NPAS3: variants seen among roughly 807,000 people sequenced by gnomAD.
NPAS3 encodes the protein neuronal PAS domain-containing protein 3.
A neutral mutation model predicts 73.1 loss-of-function variants in NPAS3; 14 were observed. The observed-to-expected ratio is 0.19, with a 90% CI of 0.13 to 0.30. The LOEUF is 0.30. Among genes scored for constraint, NPAS3 ranks in the 10% least tolerant of loss-of-function variants. NPAS3 has a pLI of 1.00. For missense variants in NPAS3, 1,096 were observed against 1,250.0 expected (o/e 0.88, Z 1.86); for synonymous variants, 620 against 541.5 (o/e 1.14, Z -2.01).
rs763529607 is a variant in NPAS3, at chr14:33,735,341, G to C, written c.852+9G>C. ...AATCATCAGGATATAAGGTAAGCCGGTTCCGGGAGGGGAGACATTGCTGTC... is the reference window on the plus strand; with the variant it reads ...AATCATCAGGATATAAGGTAAGCCGCTTCCGGGAGGGGAGACATTGCTGTC... On this transcript the variant is annotated intron_variant, in intron 7 of 11. Coordinates refer to ENST00000356141, the Ensembl canonical transcript of NPAS3. 4 of 1,588,120 alleles carry C rather than the reference G, an allele frequency of 2.5e-6. No homozygotes were observed. The highest frequency in any genetic ancestry group is 3.5e-6 in the Non-Finnish European group (4 of 1,156,514).
chr14:33,333,370 T>A (rs1216071728), intron 3 of NPAS3, among the ~76,000 whole-genome samples: 1 of 152,258 alleles, frequency 6.6e-6, no homozygotes, highest in Non-Finnish European at 1.5e-5. Context: ...TTTTGCTCTT[T>A]CTAAAGAGCT....
At chr14:33,643,497 T>C (rs2058737746) in intron 5 of NPAS3, among the ~76,000 whole-genome samples, 1 of 152,082 alleles carries the variant, frequency 6.6e-6, no homozygotes, top group African/African-American at 2.4e-5. Context: ...AAAAGCATCT[T>C]TGTTCTGTGG....
intron 2 of NPAS3, among the ~76,000 whole-genome samples, chr14:33,133,386 G>A (rs942732315): frequency 6.6e-6 from 1 of 152,128 alleles, no homozygotes; most frequent in African/African-American, 2.4e-5. Flanking sequence ...TATTAGCAAG[G>A]CTTTTCCCTT....
At chr14:33,605,415 A>AAC (rs1403916578) in intron 5 of NPAS3, among the ~76,000 whole-genome samples, 2 of 150,326 alleles carry the variant, frequency 1.3e-5, no homozygotes, top group East Asian at 3.9e-4. Flanking sequence ...AAAAAACACA[A>AAC]ACCTTTTATT....
In NPAS3 at chr14:33,782,896, AAT is replaced by A. The variant is rs1469418955; in HGVS notation, c.1153+4328_1153+4329del. ...AACTTCTATACTTTCTAACAAAACTAATATACAGCTACCTGATATAATGCATT... is the reference window on the plus strand; with the variant it reads ...AACTTCTATACTTTCTAACAAAACTAATACAGCTACCTGATATAATGCATT... On this transcript the variant is annotated intron_variant, in intron 9 of 11. Transcript: ENST00000356141. 2.0e-5 allele frequency among the ~76,000 whole-genome samples: 3 copies of A among 152,238 alleles called. No individual in the cohort carries two copies. The East Asian group carries it at 5.8e-4, about 29-fold the overall frequency.
chr14:33,621,347 A>T (rs2058069771), intron 5 of NPAS3, among the ~76,000 whole-genome samples: 1 of 152,204 alleles, frequency 6.6e-6, no homozygotes, highest in African/African-American at 2.4e-5. Context: ...CAGCTAAAAG[A>T]TAGGGATGCC....
At chr14:33,567,398 A>T (rs1285573516) in intron 5 of NPAS3, among the ~76,000 whole-genome samples, 1 of 152,212 alleles carries the variant, frequency 6.6e-6, no homozygotes, top group East Asian at 1.9e-4. Flanking sequence ...TTAATGTTGG[A>T]TGTCGAACAT....
intron 3 of NPAS3, among the ~76,000 whole-genome samples, chr14:33,243,490 G>A (rs1172290926): frequency 2.0e-5 from 3 of 151,994 alleles, no homozygotes; most frequent in African/African-American, 7.2e-5. Context: ...CTATGGTGGG[G>A]TCCAATAATT....
intron 1 of NPAS3, among the ~76,000 whole-genome samples, chr14:33,046,513 G>A (rs1430305630): frequency 1.3e-5 from 2 of 152,204 alleles, no homozygotes; most frequent in Non-Finnish European, 2.9e-5. Flanking sequence ...ATAGGGCACT[G>A]TGAATAAGAA....
Position 33,336,711 on chromosome 14 carries a change from C to A in NPAS3, c.386-30475C>A, listed in dbSNP as rs140635536. On this transcript the variant is annotated intron_variant, in intron 3 of 11. Transcript: ENST00000356141. The stretch of plus-strand genomic sequence containing the variant: ...TAACCTAATCCTGGGAGTAAAATCC[C>A]ATCCTATTCACAAATATTGCCTACA... Among the ~76,000 whole-genome samples, 518 of 152,246 alleles carry A rather than the reference C, an allele frequency of 3.4e-3. 4 individuals carry two copies. Among genetic ancestry groups the A allele is most frequent in the African/African-American group, 0.012 (489 of 41,560 alleles).
At chr14:33,474,409 C>A (rs2050924363) in intron 4 of NPAS3, among the ~76,000 whole-genome samples, 1 of 151,980 alleles carries the variant, frequency 6.6e-6, no homozygotes, top group South Asian at 2.1e-4. Context: ...ACTGCCTATA[C>A]AAACATACAA....
intron 2 of NPAS3, among the ~76,000 whole-genome samples, chr14:33,149,362 C>G (rs1042949782): frequency 1.3e-5 from 2 of 152,130 alleles, no homozygotes; most frequent in African/African-American, 4.8e-5. Flanking sequence ...ATAAGTTTTT[C>G]TTCAATAATA....
chr14:33,802,382 A>AG (rs2063735040), downstream of NPAS3: 2 of 148,740 alleles, frequency 1.3e-5, no homozygotes. Context: ...TAAGTAAAAA[A>AG]AAAAAAAAAG....
At chr14:33,246,497 G>C (rs61601090) in intron 3 of NPAS3, among the ~76,000 whole-genome samples, 2 of 138,632 alleles carry the variant, frequency 1.4e-5, no homozygotes, top group Admixed American at 7.7e-5. Context: ...CCGAGATCGC[G>C]CCACTGCACT....
At chr14:33,378,692 G>A (rs1384049669) in intron 4 of NPAS3, among the ~76,000 whole-genome samples, 2 of 152,000 alleles carry the variant, frequency 1.3e-5, no homozygotes, top group African/African-American at 4.8e-5. Context: ...GTCCCCTGAG[G>A]GTCTTCACTT....
intron 2 of NPAS3, among the ~76,000 whole-genome samples, chr14:33,087,660 G>T (rs1180860601): frequency 6.6e-6 from 1 of 152,096 alleles, no homozygotes; most frequent in Non-Finnish European, 1.5e-5. Flanking sequence ...GGTTGGGGGA[G>T]AAATGTAATT....
chr14:33,565,364 A>AG (rs2055874592), intron 5 of NPAS3, among the ~76,000 whole-genome samples: 1 of 152,272 alleles, frequency 6.6e-6, no homozygotes, highest in Non-Finnish European at 1.5e-5. Flanking sequence ...CTATTCTGAA[A>AG]GGGAACCATG....
chr14:33,367,320 T>A, intron 4 of NPAS3, 52 bp downstream of exon 4: 1 of 783,068 alleles, frequency 1.3e-6, no homozygotes, highest in Non-Finnish European at 2.2e-6. Flanking sequence ...GAAAAAACCA[T>A]ATGTTTAGTC....
chr14:33,357,724 G>C (rs752035375), intron 3 of NPAS3, among the ~76,000 whole-genome samples: 1 of 152,126 alleles, frequency 6.6e-6, no homozygotes, highest in Non-Finnish European at 1.5e-5. Flanking sequence ...CTGGGGTTTC[G>C]GCAAAGCACA....
Sources: allele counts gnomAD v4.1 joint callset (sites outside exome capture counted in the v4.1 genomes callset), GRCh38; gene constraint gnomAD v4.1.1; transcripts MANE v1.5; gene names NCBI Gene and HGNC (gene_info 2026-07-23, HGNC 2026-07-21).